Variants in LIMCH1 observed in about 807,000 individuals in gnomAD.
The protein encoded by LIMCH1 is LIM and calponin homology domains-containing protein 1.
LIMCH1 carries 113 observed loss-of-function variants against 176.5 expected under a neutral mutation model. The observed-to-expected ratio is 0.64, with a 90% CI of 0.55 to 0.75. The LOEUF is 0.75. Among genes scored for constraint, LIMCH1 ranks in the 30% least tolerant of loss-of-function variants. LIMCH1 has a pLI of 0.00. For missense variants in LIMCH1, 1,674 were observed against 1,814.9 expected (o/e 0.92, Z 1.41); for synonymous variants, 619 against 645.9 (o/e 0.96, Z 0.63).
At chr4:41,587,381 T>G (rs1034414357) in intron 1 of LIMCH1, among the ~76,000 whole-genome samples, 4 of 152,142 alleles carry the variant, frequency 2.6e-5, no homozygotes, top group African/African-American at 7.2e-5. Context: ...GACAGGTCAA[T>G]ATGGGCCTTT....
intron 1 of LIMCH1, among the ~76,000 whole-genome samples, chr4:41,566,020 C>T (rs924792417): frequency 3.3e-5 from 5 of 152,168 alleles, no homozygotes; most frequent in Admixed American, 2.0e-4. Flanking sequence ...AACTTGTCCA[C>T]GATCACAAAA....
intron 1 of LIMCH1, among the ~76,000 whole-genome samples, chr4:41,416,185 C>A (rs1437743206): frequency 6.6e-6 from 1 of 152,112 alleles, no homozygotes; most frequent in African/African-American, 2.4e-5. Flanking sequence ...GAACCTCACA[C>A]CTGATTTGTC....
intron 1 of LIMCH1, among the ~76,000 whole-genome samples, chr4:41,590,033 G>T (rs1471996099): frequency 1.3e-5 from 2 of 152,100 alleles, no homozygotes; most frequent in African/African-American, 4.8e-5. Context: ...CCAAAGAGAG[G>T]TGCTCATATC....
At chr4:41,596,664 G>A (rs1213339547) in intron 1 of LIMCH1, among the ~76,000 whole-genome samples, 1 of 152,130 alleles carries the variant, frequency 6.6e-6, no homozygotes, top group African/African-American at 2.4e-5. Flanking sequence ...ACCTAGGACA[G>A]TGTCAATCAA....
intron 1 of LIMCH1, among the ~76,000 whole-genome samples, chr4:41,490,873 A>G (rs879897267): frequency 2.6e-5 from 4 of 151,760 alleles, no homozygotes; most frequent in Non-Finnish European, 5.9e-5. Flanking sequence ...GCGGCCGGGC[A>G]GAGGCACTTC....
chr4:41,476,522 C>T (rs1377416379), intron 1 of LIMCH1, among the ~76,000 whole-genome samples: 1 of 152,200 alleles, frequency 6.6e-6, no homozygotes, highest in Non-Finnish European at 1.5e-5. Context: ...CAGCAATGCT[C>T]AGTGATGAAT....
chr4:41,672,292 C>T (rs1165374693), intron 22 of LIMCH1, among the ~76,000 whole-genome samples: 3 of 152,066 alleles, frequency 2.0e-5, no homozygotes, highest in Non-Finnish European at 4.4e-5. Context: ...ATTGCTTCAA[C>T]CCAAGAGGAA....
intron 4 of LIMCH1, chr4:41,612,303 T>A (rs974686450): frequency 3.9e-6 from 2 of 509,706 alleles, no homozygotes; most frequent in African/African-American, 3.9e-5. Context: ...CCTAGACAGT[T>A]TAGACCAGTT....
chr4:41,449,936 T>G (rs1228285894), intron 1 of LIMCH1, among the ~76,000 whole-genome samples: 2 of 152,204 alleles, frequency 1.3e-5, no homozygotes, highest in Non-Finnish European at 2.9e-5. Flanking sequence ...CACCTGACAT[T>G]CTCCCCATAT....
chr4:41,477,819 G>T (rs1044896184), intron 1 of LIMCH1, among the ~76,000 whole-genome samples: 2 of 152,126 alleles, frequency 1.3e-5, no homozygotes, highest in Non-Finnish European at 2.9e-5. Context: ...AAGATGATGG[G>T]TTTTCCTCCT....
At chr4:41,494,726 A>G in intron 2 of LIMCH1, 1 of 667,738 alleles carries the variant, frequency 1.5e-6, no homozygotes, top group South Asian at 2.0e-5. Flanking sequence ...TCTGAAACTC[A>G]AAAAATCCCT....
At chr4:41,370,494 C>T (rs754745201) in intron 1 of LIMCH1, among the ~76,000 whole-genome samples, 1 of 152,064 alleles carries the variant, frequency 6.6e-6, no homozygotes, top group Non-Finnish European at 1.5e-5. Context: ...TGAGAAATAG[C>T]ATCCCCTCTT....
intron 13 of LIMCH1, among the ~76,000 whole-genome samples, chr4:41,638,176 T>C (rs2093677109): frequency 6.6e-6 from 1 of 152,192 alleles, no homozygotes; most frequent in Admixed American, 6.5e-5. Context: ...TTCTAATATT[T>C]TTCTAATTTA....
intron 22 of LIMCH1, among the ~76,000 whole-genome samples, chr4:41,675,429 G>C (rs1399343504): frequency 6.9e-6 from 1 of 145,482 alleles, no homozygotes; most frequent in Non-Finnish European, 1.5e-5. Context: ...CCCCAACCCT[G>C]TTTCCCATCC....
chr4:41,681,192 G>C, intron 25 of LIMCH1, 133 bp downstream of exon 25: 1 of 541,222 alleles, frequency 1.8e-6, no homozygotes, highest in South Asian at 2.3e-5. Context: ...AATCACGTCA[G>C]CTACTGTGTG....
At chr4:41,552,328 T>C (rs1363466087) in intron 1 of LIMCH1, among the ~76,000 whole-genome samples, 1 of 152,136 alleles carries the variant, frequency 6.6e-6, no homozygotes, top group Non-Finnish European at 1.5e-5. Flanking sequence ...TCTTCTCTTG[T>C]AGACAGGGCC....
At chr4:41,384,093 A>C (rs2056118072) in intron 1 of LIMCH1, among the ~76,000 whole-genome samples, 1 of 152,180 alleles carries the variant, frequency 6.6e-6, no homozygotes, top group African/African-American at 2.4e-5. Context: ...TTAGAGATCT[A>C]GGCTGGAGCA....
chr4:41,544,093 C>T (rs190021645), intron 1 of LIMCH1, among the ~76,000 whole-genome samples: 4 of 152,160 alleles, frequency 2.6e-5, no homozygotes, highest in African/African-American at 7.2e-5. Flanking sequence ...CCACCCCCAC[C>T]AAGCCTTCTC....
intron 1 of LIMCH1, among the ~76,000 whole-genome samples, chr4:41,415,977 GA>G (rs555817677): frequency 8.1e-4 from 114 of 141,044 alleles, no homozygotes; most frequent in East Asian, 1.9e-3. Context: ...ACTCCGTCTC[GA>G]AAAAAAAAAA....
Sources: allele counts gnomAD v4.1 joint callset (sites outside exome capture counted in the v4.1 genomes callset), GRCh38; gene constraint gnomAD v4.1.1; transcripts MANE v1.5; gene names NCBI Gene and HGNC (gene_info 2026-07-23, HGNC 2026-07-21).